Variants in EHD1 observed in about 807,000 individuals in gnomAD.
The protein encoded by EHD1 is EH domain containing 1, also known as EH domain-containing protein 1.
A neutral mutation model predicts 39.0 loss-of-function variants in EHD1; 19 were observed. The ratio of observed to expected loss-of-function variants is 0.49; its 90% confidence interval spans 0.34 to 0.72. The LOEUF is 0.72. Ranked by LOEUF, EHD1 falls within the 30% of genes least tolerant of loss-of-function variation. The pLI is 0.01. For synonymous variants in EHD1, 323 were observed against 331.2 expected (o/e 0.98, Z 0.27); for missense variants, 542 against 751.5 (o/e 0.72, Z 3.26).
rs1397383168 is a variant in EHD1, at chr11:64,854,000, T to C, written c.*333A>G. On this transcript the variant is annotated 3_prime_UTR_variant, in exon 5 of 5. Coordinates refer to ENST00000320631, the MANE Select transcript of EHD1 (RefSeq NM_006795.4). ...CTGGCTCCCCCACGGTCGCAGTCGC[T>C]GCACTGTCCAGCTCCAGCCACAGCA... 5.2e-6 allele frequency: 2 copies of C among 384,152 alleles called. No individual in the cohort carries two copies. The highest frequency in any genetic ancestry group is 9.6e-6 in the Non-Finnish European group (2 of 208,040). The allele number at this position is 384,152 out of a possible 1,614,324, so 23.8% of individuals were successfully genotyped here.
upstream of EHD1, chr11:64,879,544 C>A: frequency 1.3e-6 from 2 of 1,544,064 alleles, no homozygotes; most frequent in African/African-American, 1.4e-5. Flanking sequence ...CCAAATACTT[C>A]CACTTTCCTC....
In EHD1 at chr11:64,858,190, C is replaced by CTTTT. The variant is rs10674960; in HGVS notation, c.915+1730_915+1733dup. The stretch of plus-strand genomic sequence containing the variant: ...TGCCTGGCCAGAGCCTATTTCTTTT[C>CTTTT]TTTTTTTTTGAGACAGAGTCTTGCT... On this transcript the variant is annotated intron_variant, in intron 3 of 4. Transcript: ENST00000320631. Among the ~76,000 whole-genome samples the CTTTT allele has an allele frequency of 1.8e-3, 252 of 142,630 alleles. 2 individuals carry two copies. Among genetic ancestry groups the CTTTT allele is most frequent in the Admixed American group, 2.4e-3 (34 of 14,320 alleles). The allele number at this position is 142,630 out of a possible 152,430, so 93.6% of individuals were successfully genotyped here.
Position 64,868,910 on chromosome 11 carries a change from C to T in EHD1, c.502+5511G>A, listed in dbSNP as rs1943797517. On this transcript the variant is annotated intron_variant, in intron 2 of 4. Transcript: ENST00000320631. This position sits in a 1 kb window ranked among gnomAD's most constrained non-coding sequence, Gnocchi z 4.2. ...CAACGAGCTGTGTGACCCAGCAGGT[C>T]TCTGACCTCTCAGAGCCTCGGTTCC... Among the ~76,000 whole-genome samples the T allele has an allele frequency of 6.6e-6, 1 of 152,226 alleles. No individual in the cohort carries two copies. Among genetic ancestry groups the T allele is most frequent in the African/African-American group, 2.4e-5 (1 of 41,460 alleles).
chr11:64,871,122 G>A (rs1044198981), intron 2 of EHD1, among the ~76,000 whole-genome samples: 2 of 152,156 alleles, frequency 1.3e-5, no homozygotes, highest in African/African-American at 4.8e-5. Flanking sequence ...GTGGGAAATG[G>A]AAGTAAATGC....
At chr11:64,855,561 C>A (rs1943642360) in intron 3 of EHD1, 75 bp from the exon 4 acceptor site, 6 of 1,591,678 alleles carry the variant, frequency 3.8e-6, no homozygotes, top group Non-Finnish European at 5.1e-6. Context: ...CAAGGACACT[C>A]CAAGGATACT....
chr11:64,877,273 T>C (rs1943895030), intron 1 of EHD1, among the ~76,000 whole-genome samples: 2 of 151,932 alleles, frequency 1.3e-5, no homozygotes, highest in Admixed American at 6.6e-5. Context: ...ACAGGCAGAG[T>C]CCTGGAGCTC....
At chr11:64,875,846 G>C (rs567165747) in intron 1 of EHD1, among the ~76,000 whole-genome samples, 52 of 152,252 alleles carry the variant, frequency 3.4e-4, no homozygotes, top group Non-Finnish European at 6.5e-4. Context: ...ATGAAGGCCA[G>C]TCCTGGCCTT....
At chr11:64,862,924 A>G (rs896570610) in intron 2 of EHD1, among the ~76,000 whole-genome samples, 19 of 152,166 alleles carry the variant, frequency 1.2e-4, no homozygotes, top group Non-Finnish European at 2.4e-4. Flanking sequence ...CTAGAGTAAA[A>G]CTTCTGTCCC....
At position 64,857,889 on chromosome 11, in the gene EHD1, C is replaced by T. The variant is rs529166764; in HGVS notation, c.915+2035G>A. On this transcript the variant is annotated intron_variant, in intron 3 of 4. Coordinates refer to ENST00000320631, the MANE Select transcript of EHD1 (RefSeq NM_006795.4). ...TGTCTACCCTGGTACCCCCTGCATGCCATGAGGTGGGGGCAAGCACCCTGC... is the reference window on the plus strand; with the variant it reads ...TGTCTACCCTGGTACCCCCTGCATGTCATGAGGTGGGGGCAAGCACCCTGC... 2.6e-5 allele frequency among the ~76,000 whole-genome samples: 4 copies of T among 152,286 alleles called. No individual in the cohort carries two copies. The South Asian group carries it at 8.3e-4, about 32-fold the overall frequency.
intron 2 of EHD1, among the ~76,000 whole-genome samples, chr11:64,863,598 G>A (rs1161721956): frequency 3.3e-5 from 5 of 152,208 alleles, no homozygotes; most frequent in Non-Finnish European, 7.4e-5. Context: ...CAGGGTGTGC[G>A]GAGTCAAGCT....
chr11:64,859,962 T>G lies in EHD1; in HGVS notation c.877A>C (p.Lys293Gln), dbSNP rs1383678134. 1 of 1,613,764 alleles carries G rather than the reference T, an allele frequency of 6.2e-7. No individual in the cohort carries two copies. Among genetic ancestry groups the G allele is most frequent in the Non-Finnish European group, 8.5e-7 (1 of 1,179,990 alleles). The stretch of plus-strand genomic sequence containing the variant: ...GCCCGCTTGATCAGGTCATTGAGCT[T>G]CCTGAGGGCGGCGTTTCGGGGCAGT... The part of the protein sequence containing the change: ...QSLPRNAALR[K>Q]LNDLIKRARL... Residue 293 changes from lysine (K) to glutamine (Q), a missense_variant, in exon 3 of 5, where the codon AAG (lysine) becomes CAG (glutamine). Physicochemically the swap from Lys to Gln is moderately conservative, Grantham distance 53 (BLOSUM62 1). Transcript: ENST00000320631.
rs1340069535 is a variant in EHD1 at position 64,868,864 on chromosome 11, C to T, written c.502+5557G>A. ...AACTCTGGAATCAGGCCCACATTTC[C>T]ATCCTGAACCTTCTACTCAACAACG... is the stretch of plus-strand genomic sequence containing the variant. On this transcript the variant is annotated intron_variant, in intron 2 of 4. Transcript: ENST00000320631. The surrounding 1 kb of genome is among the most constrained non-coding windows in gnomAD (Gnocchi z 4.2). Among the ~76,000 whole-genome samples, 2 of 152,208 alleles carry T rather than the reference C, an allele frequency of 1.3e-5. No homozygotes were observed. Among genetic ancestry groups the T allele is most frequent in the Non-Finnish European group, 2.9e-5 (2 of 68,038 alleles).
At chr11:64,855,760 C>T (rs548558155) in intron 3 of EHD1, 294 of 468,450 alleles carry the variant, frequency 6.3e-4, no homozygotes, top group South Asian at 1.7e-3. Context: ...TGGCCTTGCA[C>T]GGATCATTGT....
chr11:64,859,688 A>G (rs888804997), intron 3 of EHD1: 20 of 572,290 alleles, frequency 3.5e-5, no homozygotes, highest in Non-Finnish European at 5.7e-5. Flanking sequence ...TAGATGGGGT[A>G]TAAACCACAA....
At chr11:64,878,646 C>G, upstream of EHD1, 1 of 1,396,104 alleles carries the variant, frequency 7.2e-7, no homozygotes, top group Non-Finnish European at 9.2e-7. Context: ...GCGGAGCGGC[C>G]TTTATAGGGT....
chr11:64,859,862 C>T, intron 3 of EHD1, 62 bp downstream of exon 3: 2 of 1,545,050 alleles, frequency 1.3e-6, no homozygotes, highest in South Asian at 2.5e-5. Context: ...GCCCTGAGTG[C>T]CAGTCTCAGA....
chr11:64,855,171 G>T, intron 4 of EHD1, 151 bp downstream of exon 4: 1 of 1,243,580 alleles, frequency 8.0e-7, no homozygotes, highest in Non-Finnish European at 1.1e-6. Context: ...GGTCAACTCT[G>T]AGTTGGGTGG....
chr11:64,872,231 C>T (rs755193509), intron 2 of EHD1, among the ~76,000 whole-genome samples: 9 of 152,180 alleles, frequency 5.9e-5, no homozygotes, highest in Non-Finnish European at 1.3e-4. Context: ...GAGGCCGAAG[C>T]GGGCAGATCA....
Position 64,878,533 on chromosome 11 carries a change from C to G in EHD1, c.-69G>C. Reference sequence around the variant, plus strand: ...TGAGAGCGGGGCGAGGGTGCGGAGCCGAGGCGGGGCCGGCCGGGGCAGGGA... The same window carrying G: ...TGAGAGCGGGGCGAGGGTGCGGAGCGGAGGCGGGGCCGGCCGGGGCAGGGA... On this transcript the variant is annotated 5_prime_UTR_variant, in exon 1 of 5. Coordinates refer to ENST00000320631, the MANE Select transcript of EHD1 (RefSeq NM_006795.4). The G allele has an allele frequency of 1.3e-6, 2 of 1,497,432 alleles. No homozygotes were observed. The highest frequency in any genetic ancestry group is 1.8e-6 in the Non-Finnish European group (2 of 1,127,764). The allele number at this position is 1,497,432 out of a possible 1,614,324, so 92.8% of individuals were successfully genotyped here.
Sources: gnomAD v4.1 joint callset for allele counts (sites outside exome capture counted in the v4.1 genomes callset) on GRCh38, gnomAD v4.1.1 for gene constraint, Gnocchi (gnomAD v3.1) non-coding constraint, MANE v1.5 for transcripts, NCBI Gene and HGNC (gene_info 2026-07-23, HGNC 2026-07-21) for gene names.